ITGB7: variants seen among roughly 807,000 people sequenced by gnomAD.
ITGB7 encodes integrin beta-7.
In ITGB7, 55 loss-of-function variants were observed where a neutral mutation model predicts 83.4. That is an observed-to-expected ratio of 0.66 (90% CI 0.53 to 0.83). The LOEUF (loss-of-function observed/expected upper bound fraction) is 0.83, where lower values mean the gene tolerates loss of function less well. ITGB7 is among the 40% of genes least tolerant of loss of function. The probability of loss-of-function intolerance (pLI) is 0.00; values close to 1 mark genes in which losing one functional copy is unlikely to be tolerated. For missense variants in ITGB7, 921 were observed against 1,046.7 expected (o/e 0.88, Z 1.66); for synonymous variants, 454 against 423.6 (o/e 1.07, Z -0.88).
chr12:53,203,936 G>A (rs1490476503), intron 1 of ITGB7, among the ~76,000 whole-genome samples: 1 of 152,096 alleles, frequency 6.6e-6, no homozygotes, highest in Non-Finnish European at 1.5e-5. Flanking sequence ...TTGAAAACAG[G>A]TGTTCAAACA....
At chr12:53,201,529 C>T (rs1565708454) in intron 1 of ITGB7, among the ~76,000 whole-genome samples, 2 of 152,032 alleles carry the variant, frequency 1.3e-5, no homozygotes, top group Non-Finnish European at 2.9e-5. Context: ...CTTGAGTGAC[C>T]TTCAGGAAAG....
In ITGB7 at chr12:53,191,644, A is replaced by G; in HGVS notation, c.2317-8T>C. 2 of 1,611,254 alleles carry G rather than the reference A, an allele frequency of 1.2e-6. No individual in the cohort carries two copies. The highest frequency in any genetic ancestry group is 1.7e-6 in the Non-Finnish European group (2 of 1,177,436). ...GTAGAGAGGATTACTGTCCTGGAGAAAGATGTTGCAGATTATAAGCAAAAA... is the reference window on the plus strand; with the variant it reads ...GTAGAGAGGATTACTGTCCTGGAGAGAGATGTTGCAGATTATAAGCAAAAA... On this transcript the variant is annotated splice_polypyrimidine_tract_variant and splice_region_variant and intron_variant, in intron 15 of 15. Transcript: ENST00000267082.
In ITGB7 at chr12:53,195,643, C is replaced by T. The variant is rs371126896; in HGVS notation, c.1054G>A (p.Ala352Thr). 430 of 1,613,560 alleles carry T rather than the reference C, an allele frequency of 2.7e-4. 1 individual carries two copies. Among genetic ancestry groups the T allele is most frequent in the Non-Finnish European group, 3.5e-4 (408 of 1,179,630 alleles). ...IQPIFAVTSA[A>T]LPVYQELSKL... Reference sequence around the variant, plus strand: ...GCTCTCACCTGGTAGACAGGCAGTGCGGCACTGGTGACAGCAAAGATGGGC... The same window carrying T: ...GCTCTCACCTGGTAGACAGGCAGTGTGGCACTGGTGACAGCAAAGATGGGC... The change falls in exon 8 of 16, where the codon GCA (alanine) becomes ACA (threonine). Residue 352 changes from alanine (A) to threonine (T), a missense_variant. Physicochemically the swap from Ala to Thr is moderately conservative, Grantham distance 58 (BLOSUM62 0). Coordinates refer to ENST00000267082, the MANE Select transcript of ITGB7 (RefSeq NM_000889.3).
At position 53,191,565 on chromosome 12, in the gene ITGB7, G is replaced by T. The variant is rs2120380298; in HGVS notation, c.2388C>A (p.Pro796=). ...INPRFQEADS[P]TL ...AGTGTCCCTCCCTCCTTCAGAGAGT[G>T]GGACTGTCTGCCTCTTGAAAGCGAG... Residue 796 remains proline (P), a synonymous_variant, in exon 16 of 16, where the codon CCC becomes CCA. Transcript: ENST00000267082. 2 of 1,610,902 alleles carry T rather than the reference G, an allele frequency of 1.2e-6. No individual in the cohort carries two copies. The highest frequency in any genetic ancestry group is 2.2e-5 in the South Asian group (2 of 90,998).
At chr12:53,203,224 C>T (rs1363011009) in intron 1 of ITGB7, among the ~76,000 whole-genome samples, 2 of 152,112 alleles carry the variant, frequency 1.3e-5, no homozygotes, top group Non-Finnish European at 2.9e-5. Flanking sequence ...AATTCAACAA[C>T]AAAAAGACAA....
Position 53,193,464 on chromosome 12 carries a change from GAGAC to G in ITGB7, c.1503-105_1503-102del, listed in dbSNP as rs1413006029. ...TAAACCCAAGTTCTCAAAAGAGTTG[GAGAC>G]AGACAAACAGCTGAAAGGATGTTAA... On this transcript the variant is annotated intron_variant, in intron 11 of 15. Transcript: ENST00000267082. 59 of 893,100 alleles carry G rather than the reference GAGAC, an allele frequency of 6.6e-5. 1 individual carries two copies. Among genetic ancestry groups the G allele is most frequent in the Non-Finnish European group, 8.9e-5 (53 of 597,324 alleles). 55.3% of individuals were successfully genotyped at this position (893,100 alleles called of 1,614,324 possible). A position where few individuals can be genotyped will look rare whatever the true frequency, so the allele number is the denominator to read the frequency against.
chr12:53,196,850 C>T, intron 5 of ITGB7, 30 bp from the exon 6 acceptor site: 1 of 1,571,458 alleles, frequency 6.4e-7, no homozygotes, highest in Non-Finnish European at 8.7e-7. Context: ...AAGGTTGTGC[C>T]AGAAGTCGCA....
intron 1 of ITGB7, chr12:53,206,733 T>C (rs1370497163): frequency 6.6e-6 from 1 of 152,266 alleles, no homozygotes; most frequent in Non-Finnish European, 1.5e-5. Context: ...GGGACGGAAC[T>C]GAGCTGCTGG....
chr12:53,196,922 G>C, intron 5 of ITGB7, 102 bp from the exon 6 acceptor site: 1 of 1,380,186 alleles, frequency 7.2e-7, no homozygotes, highest in Non-Finnish European at 9.9e-7. Context: ...GGACGGTGAT[G>C]GGAGAGGGTG....
Position 53,195,716 on chromosome 12 carries a change from G to A in ITGB7, c.981C>T (p.Tyr327=), listed in dbSNP as rs1399642823. The A allele has an allele frequency of 6.2e-7, 1 of 1,612,826 alleles. No individual in the cohort carries two copies. Among genetic ancestry groups the A allele is most frequent in the African/African-American group, 1.3e-5 (1 of 74,872 alleles). ...CCTGGGCTACCTGACCCACAGAAGG[G>A]TAGTCCTGGGACAGGGAGCAGGGAC... The part of the protein sequence containing the change: ...GLYSRSTEFD[Y]PSVGQVAQAL... Residue 327 remains tyrosine (Y), a synonymous_variant, in exon 8 of 16, where the codon TAC becomes TAT. Transcript: ENST00000267082.
rs1464009264 is a variant in ITGB7 at position 53,196,190 on chromosome 12, C to T, written c.826G>A (p.Gly276Ser). 1 of 1,614,020 alleles carries T rather than the reference C, an allele frequency of 6.2e-7. No individual in the cohort carries two copies. Among genetic ancestry groups the T allele is most frequent in the East Asian group, 2.2e-5 (1 of 44,880 alleles). ...LQAALCQEQIGWRNVSRLLVF... is the reference protein window; with the variant it reads ...LQAALCQEQISWRNVSRLLVF... Reference sequence around the variant, plus strand: ...AGCAGCCGGGACACATTTCTCCAGCCAATCTGCTCCTGAGTTACAGTGGGG... The same window carrying T: ...AGCAGCCGGGACACATTTCTCCAGCTAATCTGCTCCTGAGTTACAGTGGGG... The change falls in exon 7 of 16, where the codon GGC becomes AGC. Residue 276 changes from glycine to serine, a missense_variant. Physicochemically the swap from Gly to Ser is moderately conservative, Grantham distance 56. Coordinates refer to ENST00000267082, the MANE Select transcript of ITGB7 (RefSeq NM_000889.3).
intron 9 of ITGB7, chr12:53,194,727 C>A: frequency 5.2e-6 from 1 of 191,966 alleles, no homozygotes. Flanking sequence ...TTGATACTGT[C>A]TCAGATTTTC....
At chr12:53,191,832 A>G in intron 15 of ITGB7, 27 bp downstream of exon 15, 1 of 1,612,300 alleles carries the variant, frequency 6.2e-7, no homozygotes, top group Non-Finnish European at 8.5e-7. Flanking sequence ...ACAGCTAAAA[A>G]GGGGCCTAAC....
intron 1 of ITGB7, among the ~76,000 whole-genome samples, chr12:53,205,305 C>A (rs1371067549): frequency 6.6e-6 from 1 of 152,132 alleles, no homozygotes; most frequent in Non-Finnish European, 1.5e-5. Context: ...CCACCTCAGC[C>A]TCCCGAGTAG....
In ITGB7 at chr12:53,192,796, C is replaced by CA. The variant is rs749233126; in HGVS notation, c.1840_1841insT (p.Ser614MetfsTer72). Reference sequence around the variant, plus strand: ...GTTGCATTTGCAGCGTCCATGCCCACTGCAGAGCCCTCCCTCGGGACTGAT... The same window carrying CA: ...GTTGCATTTGCAGCGTCCATGCCCACATGCAGAGCCCTCCCTCGGGACTGAT... On this transcript the variant is annotated frameshift_variant, in exon 13 of 16. Transcript: ENST00000267082. LOFTEE classifies it high-confidence loss of function. The CA allele has an allele frequency of 6.2e-7, 1 of 1,614,268 alleles. No individual in the cohort carries two copies. The highest frequency in any genetic ancestry group is 1.1e-5 in the South Asian group (1 of 91,092).
rs754399881 is a variant in ITGB7 at position 53,193,341 on chromosome 12, G to T, written c.1525C>A (p.Arg509=). ...TCTGCCACAGAGCACTCACAGAGCC[G>T]ACCTAGGCGGCCAGGGGCACAGCTG... is the stretch of plus-strand genomic sequence containing the variant. The part of the protein sequence containing the change: ...VCSCAPGRLG[R]LCECSVAELS... Residue 509 remains arginine, a synonymous_variant, in exon 12 of 16, where the codon CGG becomes AGG. Transcript: ENST00000267082. 6.3e-7 allele frequency: 1 copy of T among 1,590,602 alleles called. No individual in the cohort carries two copies. Among genetic ancestry groups the T allele is most frequent in the East Asian group, 2.3e-5 (1 of 44,396 alleles).
intron 3 of ITGB7, 42 bp downstream of exon 3, chr12:53,200,201 A>G (rs1942290665): frequency 6.5e-7 from 1 of 1,533,870 alleles, no homozygotes; most frequent in Non-Finnish European, 9.0e-7. Flanking sequence ...ACACATACAC[A>G]TACACATACA....
intron 15 of ITGB7, 25 bp from the exon 16 acceptor site, chr12:53,191,661 A>C: frequency 6.2e-7 from 1 of 1,601,716 alleles, no homozygotes; most frequent in Non-Finnish European, 8.6e-7. Flanking sequence ...TGCAGATTAT[A>C]AGCAAAAATC....
At chr12:53,201,415 G>A (rs1253891797) in intron 1 of ITGB7, 1 of 152,098 alleles carries the variant, frequency 6.6e-6, no homozygotes, top group Non-Finnish European at 1.5e-5. Context: ...TGCAGGTCTG[G>A]GATAAGGGGA....
Sources: gnomAD v4.1 joint callset for allele counts (sites outside exome capture counted in the v4.1 genomes callset) on GRCh38, gnomAD v4.1.1 for gene constraint, MANE v1.5 for transcripts, NCBI Gene and HGNC (gene_info 2026-07-23, HGNC 2026-07-21) for gene names.